Variants in WFDC10B observed in about 807,000 individuals in gnomAD.
The protein encoded by WFDC10B is WAP four-disulfide core domain 10B, also known as protein WFDC10B.
In WFDC10B, 1 loss-of-function variant was observed where a neutral mutation model predicts 2.7. That is an observed-to-expected ratio of 0.38 (90% CI 0.13 to 1.79). The LOEUF is 1.79. WFDC10B is among the 40% of genes most tolerant of loss of function. The pLI, the probability that WFDC10B is intolerant of heterozygous loss-of-function variation, is 0.33. For synonymous variants in WFDC10B, 26 were observed against 32.2 expected (o/e 0.81, Z 0.65); for missense variants, 71 against 87.8 (o/e 0.81, Z 0.76).
chr20:45,686,053 C>G lies in WFDC10B; in HGVS notation c.-61G>C. On this transcript the variant is annotated 5_prime_UTR_variant, in exon 3 of 4. Transcript: ENST00000330523. ...GGCAGTCACAGACTTCCCTGCAGAG[C>G]TGCCTGTGGAGAGGGAAGGAAATAA... 1.3e-6 allele frequency: 2 copies of G among 1,585,268 alleles called. No homozygotes were observed. Among genetic ancestry groups the G allele is most frequent in the Admixed American group, 1.8e-5 (1 of 55,312 alleles).
At chr20:45,693,375 A>C (rs1983877810) in intron 2 of WFDC10B, among the ~76,000 whole-genome samples, 1 of 152,222 alleles carries the variant, frequency 6.6e-6, no homozygotes, top group African/African-American at 2.4e-5. Context: ...AGACAGGGAC[A>C]TGTAAGTCTG....
intron 2 of WFDC10B, among the ~76,000 whole-genome samples, chr20:45,696,024 C>T (rs536855422): frequency 4.7e-4 from 71 of 151,156 alleles, no homozygotes; most frequent in Admixed American, 2.5e-3. Context: ...CAGTGGCTCA[C>T]GCCTGTAATC....
chr20:45,704,668 C>A, intron 1 of WFDC10B, 107 bp from the exon 2 acceptor site: 9 of 1,553,254 alleles, frequency 5.8e-6, no homozygotes, highest in Non-Finnish European at 7.8e-6. Context: ...CCCTTACCAG[C>A]AACTGTGCTG....
chr20:45,689,575 T>A (rs1459082181), intron 2 of WFDC10B, among the ~76,000 whole-genome samples: 3 of 152,114 alleles, frequency 2.0e-5, no homozygotes, highest in South Asian at 4.1e-4. Flanking sequence ...TAAGTTGGAT[T>A]CCTAGGTATT....
At chr20:45,686,158 C>T (rs890006302) in intron 2 of WFDC10B, 102 bp from the exon 3 acceptor site, 18 of 1,382,258 alleles carry the variant, frequency 1.3e-5, no homozygotes, top group Admixed American at 5.4e-5. Context: ...CCTGCCCTTG[C>T]CTTCTCCTGG....
intron 2 of WFDC10B, among the ~76,000 whole-genome samples, chr20:45,692,244 C>T (rs1370571197): frequency 1.3e-5 from 2 of 152,004 alleles, no homozygotes; most frequent in Non-Finnish European, 2.9e-5. Context: ...GGTAACCCGA[C>T]CTTTCTCTCT....
chr20:45,686,850 G>A (rs1465579081), intron 2 of WFDC10B, among the ~76,000 whole-genome samples: 1 of 151,960 alleles, frequency 6.6e-6, no homozygotes, highest in Non-Finnish European at 1.5e-5. Context: ...TAGTAGAGAT[G>A]GGGTTCCGCC....
chr20:45,692,492 T>C (rs978866803), intron 2 of WFDC10B, among the ~76,000 whole-genome samples: 9 of 152,224 alleles, frequency 5.9e-5, no homozygotes, highest in Non-Finnish European at 8.8e-5. Flanking sequence ...GTAGATTTGG[T>C]CTTTTCACAT....
At chr20:45,692,620 C>T (rs1983849323) in intron 2 of WFDC10B, among the ~76,000 whole-genome samples, 2 of 152,228 alleles carry the variant, frequency 1.3e-5, no homozygotes, top group African/African-American at 4.8e-5. Flanking sequence ...CAGTTGATCA[C>T]ATTGGCTCCT....
chr20:45,691,595 CCTT>C lies in WFDC10B; in HGVS notation c.-64-5542_-64-5540del, dbSNP rs1983814201. Among the ~76,000 whole-genome samples the C allele has an allele frequency of 2.6e-5, 4 of 151,486 alleles. No individual in the cohort carries two copies. In the South Asian group the frequency reaches 8.5e-4, roughly 32 times the overall value. Reference sequence around the variant, plus strand: ...TGATCCCTTTACCATTATGTAATGGCCTTCTTTGTCTCTTTTGATCTTTGTTGG... The same window carrying C: ...TGATCCCTTTACCATTATGTAATGGCCTTTGTCTCTTTTGATCTTTGTTGG... On this transcript the variant is annotated intron_variant, in intron 2 of 3. Coordinates refer to ENST00000330523, the MANE Select transcript of WFDC10B (RefSeq NM_172006.2).
chr20:45,702,011 C>A, intron 2 of WFDC10B: 1 of 926,218 alleles, frequency 1.1e-6, no homozygotes. Context: ...CGGTGAAAGG[C>A]TAGTCACACT....
chr20:45,699,001 G>T (rs1349668622), intron 2 of WFDC10B, among the ~76,000 whole-genome samples: 1 of 150,684 alleles, frequency 6.6e-6, no homozygotes, highest in Non-Finnish European at 1.5e-5. Context: ...GAGAAGGAGG[G>T]GGAGGGGGAA....
At chr20:45,690,449 G>A (rs201126430) in intron 2 of WFDC10B, among the ~76,000 whole-genome samples, 4,153 of 151,612 alleles carry the variant, frequency 0.027, 209 homozygotes, top group East Asian at 0.22. Flanking sequence ...GGTAGAATTC[G>A]GCTGTGAATC....
chr20:45,702,002 G>A lies in WFDC10B; in HGVS notation c.-65+2495C>T, dbSNP rs1051639272. On this transcript the variant is annotated intron_variant, in intron 2 of 3. Coordinates refer to ENST00000330523, the MANE Select transcript of WFDC10B (RefSeq NM_172006.2). ...CCTGCCGGTTTTGATTGGAGTACAC[G>A]GTGAAAGGCTAGTCACACTGGGCCT... is the stretch of plus-strand genomic sequence containing the variant. 23 of 846,016 alleles carry A rather than the reference G, an allele frequency of 2.7e-5. No homozygotes were observed. The East Asian group carries it at 5.1e-4, about 19-fold the overall frequency. 52.4% of individuals were successfully genotyped at this position (846,016 alleles called of 1,614,324 possible).
At chr20:45,694,385 T>C (rs1002442391) in intron 2 of WFDC10B, among the ~76,000 whole-genome samples, 1 of 152,162 alleles carries the variant, frequency 6.6e-6, no homozygotes, top group Non-Finnish European at 1.5e-5. Flanking sequence ...GATTATTATA[T>C]TAAAGTCAAA....
chr20:45,690,014 C>A (rs894131335), intron 2 of WFDC10B, among the ~76,000 whole-genome samples: 5 of 151,932 alleles, frequency 3.3e-5, no homozygotes, highest in African/African-American at 9.7e-5. Context: ...GAGATACGTC[C>A]CATCAATACC....
Position 45,692,133 on chromosome 20 carries a change from C to T in WFDC10B, c.-64-6077G>A, listed in dbSNP as rs151234167. On this transcript the variant is annotated intron_variant, in intron 2 of 3. Coordinates refer to ENST00000330523, the MANE Select transcript of WFDC10B (RefSeq NM_172006.2). Reference sequence around the variant, plus strand: ...CTGGATATGAAATTCTGGGTTGAAACTCTTTCCTTTAAGGATGTTGAATAT... The same window carrying T: ...CTGGATATGAAATTCTGGGTTGAAATTCTTTCCTTTAAGGATGTTGAATAT... Among the ~76,000 whole-genome samples, 1,049 of 152,162 alleles carry T rather than the reference C, an allele frequency of 6.9e-3. 8 individuals carry two copies. The highest frequency in any genetic ancestry group is 0.01 in the Middle Eastern group (3 of 294).
chr20:45,698,590 A>C (rs1386894798), intron 2 of WFDC10B, among the ~76,000 whole-genome samples: 12 of 151,436 alleles, frequency 7.9e-5, no homozygotes, highest in South Asian at 2.1e-4. Context: ...AAAAAAAAAA[A>C]ACCCAATTAC....
rs938647030 is a variant in WFDC10B at position 45,704,766 on chromosome 20, G to C, written c.-130+152C>G. 1.3e-5 allele frequency: 17 copies of C among 1,307,638 alleles called. No homozygotes were observed. In the Admixed American group the frequency reaches 2.2e-4, roughly 17 times the overall value. 81.0% of individuals were successfully genotyped at this position (1,307,638 alleles called of 1,614,324 possible). ...CAAGGATAATTTCCATAAAAGTCCT[G>C]ATTAGAAAAGCCCTCCTCCCCTCCC... On this transcript the variant is annotated intron_variant, in intron 1 of 3. Transcript: ENST00000330523.
Sources: allele counts gnomAD v4.1 joint callset (sites outside exome capture counted in the v4.1 genomes callset), GRCh38; gene constraint gnomAD v4.1.1; transcripts MANE v1.5; gene names NCBI Gene and HGNC (gene_info 2026-07-23, HGNC 2026-07-21).